The following BIRC6 variants were observed in gnomAD, a reference collection of about 807,000 sequenced individuals.
BIRC6 encodes baculoviral IAP repeat containing 6.
In BIRC6, 98 loss-of-function variants were observed where a neutral mutation model predicts 503.3. The observed-to-expected ratio is 0.19, with a 90% confidence interval of 0.17 to 0.23. The LOEUF (loss-of-function observed/expected upper bound fraction) is 0.23, where lower values mean the gene tolerates loss of function less well. Among genes scored for constraint, BIRC6 ranks in the 10% least tolerant of loss-of-function variants. BIRC6 has a pLI of 1.00. For missense variants in BIRC6, 5,360 were observed against 5,806.0 expected (o/e 0.92, Z 2.50); for synonymous variants, 2,240 against 2,078.7 (o/e 1.08, Z -2.11).
intron 54 of BIRC6, among the ~76,000 whole-genome samples, chr2:32,513,742 C>T (rs1311336860): frequency 6.6e-6 from 1 of 152,274 alleles, no homozygotes; most frequent in East Asian, 1.9e-4. Context: ...AACCCCGTCT[C>T]TACTAAAAAT....
At chr2:32,418,465 A>G (rs559891572) in intron 10 of BIRC6, among the ~76,000 whole-genome samples, 27 of 152,354 alleles carry the variant, frequency 1.8e-4, no homozygotes, top group African/African-American at 6.0e-4. Context: ...GTCTTCCATC[A>G]GAGCACTTTA....
rs72800820 is a variant in BIRC6, at chr2:32,507,107, T to A, written c.9701-873T>A. On this transcript the variant is annotated intron_variant, in intron 50 of 73. Transcript: ENST00000421745. ...TAAATTTCAGCAAGAATTGATTTTT[T>A]AAAAAAAATCCTGTGGATATTTGGT... 7.2e-3 allele frequency among the ~76,000 whole-genome samples: 1,087 copies of A among 152,026 alleles called. 5 individuals are homozygous for A. The highest frequency in any genetic ancestry group is 0.012 in the Non-Finnish European group (818 of 67,966).
chr2:32,468,782 T>C lies in BIRC6; in HGVS notation c.6126T>C (p.Asn2042=). 2 of 1,582,852 alleles carry C rather than the reference T, an allele frequency of 1.3e-6. No individual in the cohort carries two copies. Among genetic ancestry groups the C allele is most frequent in the Non-Finnish European group, 1.7e-6 (2 of 1,159,084 alleles). Residue 2042 remains asparagine (N), a splice_region_variant and synonymous_variant, in exon 29 of 74, where the codon AAT becomes AAC. Coordinates refer to ENST00000421745, the MANE Select transcript of BIRC6 (RefSeq NM_016252.4). Reference sequence around the variant, plus strand: ...TGCTCAGCCTGCTTCATGCTTCTAATGGTTTGTATTTGGCTTACATATTTT... The same window carrying C: ...TGCTCAGCCTGCTTCATGCTTCTAACGGTTTGTATTTGGCTTACATATTTT... ...DTLLSLLHAS[N]GHSVPAVLQS...
Position 32,548,028 on chromosome 2 carries a change from C to T in BIRC6, c.12975+14C>T, listed in dbSNP as rs1385136803. 1.0e-5 allele frequency: 16 copies of T among 1,574,100 alleles called. No homozygotes were observed. Among genetic ancestry groups the T allele is most frequent in the Non-Finnish European group, 1.4e-5 (16 of 1,167,042 alleles). On this transcript the variant is annotated intron_variant, in intron 64 of 73. Coordinates refer to ENST00000421745, the MANE Select transcript of BIRC6 (RefSeq NM_016252.4). ...TGCCTTCTGCAGGTATATTTGTAAA[C>T]TTGATATTGTTCATGATAATGGCTT...
chr2:32,462,432 G>A lies in BIRC6; in HGVS notation c.4754-762G>A, dbSNP rs151328210. ...GAAATCTGTTGTAGGGTTTCACAGAGCCTTTATTACTGATAATGTTCATGG... is the reference window on the plus strand; with the variant it reads ...GAAATCTGTTGTAGGGTTTCACAGAACCTTTATTACTGATAATGTTCATGG... On this transcript the variant is annotated intron_variant, in intron 23 of 73. Coordinates refer to ENST00000421745, the MANE Select transcript of BIRC6 (RefSeq NM_016252.4). Among the ~76,000 whole-genome samples the A allele has an allele frequency of 1.2e-4, 19 of 152,284 alleles. No individual in the cohort carries two copies. In the East Asian group the frequency reaches 3.3e-3, roughly 26 times the overall value.
chr2:32,593,915 A>T lies in BIRC6; in HGVS notation c.13356A>T (p.Arg4452Ser). 6.2e-7 allele frequency: 1 copy of T among 1,608,076 alleles called. No individual in the cohort carries two copies. Among genetic ancestry groups the T allele is most frequent in the Non-Finnish European group, 8.5e-7 (1 of 1,178,202 alleles). The change falls in exon 67 of 74, where the codon AGA becomes AGT. Residue 4452 changes from arginine (R) to serine (S), a missense_variant and splice_region_variant. This residue lies in a region of BIRC6 where 477 missense variants were observed against 574.4 expected (regional missense o/e 0.83). Transcript: ENST00000421745. ...TTCTTTCCATATTAAAAAAATTCAG[A>T]TCTAAAAGGGAAAATGTTAAAACAG... is the stretch of plus-strand genomic sequence containing the variant. ...TCVDTYTNRLRSKRENVKTGV... is the reference protein window; with the variant it reads ...TCVDTYTNRLSSKRENVKTGV...
intron 65 of BIRC6, chr2:32,557,844 G>A (rs2058888831): frequency 6.6e-6 from 1 of 152,112 alleles, no homozygotes; most frequent in South Asian, 2.1e-4. Context: ...GATGACAGAA[G>A]TACCAGTTTT....
Position 32,509,898 on chromosome 2 carries a change from G to C in BIRC6, c.10141G>C (p.Val3381Leu). Reference sequence around the variant, plus strand: ...AATGCATTCACCCAACATCGAGGTTGTGCTTGTAAAGATAGGACTGCAGTC... The same window carrying C: ...AATGCATTCACCCAACATCGAGGTTCTGCTTGTAAAGATAGGACTGCAGTC... ...CGMHSPNIEV[V>L]LVKIGLQSTR... Residue 3381 changes from valine to leucine, a missense_variant, in exon 52 of 74, where the codon GTG (valine) becomes CTG (leucine). By Grantham distance (32) the Val-to-Leu change is conservative (BLOSUM62 1). Transcript: ENST00000421745. 6.2e-7 allele frequency: 1 copy of C among 1,613,974 alleles called. No individual in the cohort carries two copies. Among genetic ancestry groups the C allele is most frequent in the Middle Eastern group, 1.6e-4 (1 of 6,062 alleles).
chr2:32,555,492 G>A (rs2150523530), intron 65 of BIRC6, among the ~76,000 whole-genome samples: 1 of 152,072 alleles, frequency 6.6e-6, no homozygotes, highest in East Asian at 1.9e-4. Flanking sequence ...TACAAAAATA[G>A]CCGGGTGTGG....
rs531671571 is a variant in BIRC6 at position 32,531,395 on chromosome 2, T to G, written c.12135T>G (p.Ala4045=). The G allele has an allele frequency of 1.2e-6, 2 of 1,613,742 alleles. No individual in the cohort carries two copies. The highest frequency in any genetic ancestry group is 2.2e-5 in the South Asian group (2 of 91,042). ...DLLASCPEDE[A]LTPGDECMDG... ...TTGCTAGCTGTCCAGAAGATGAGGC[T>G]CTCACTCCAGGTGATGAATGCATGG... Residue 4045 remains alanine (A), a synonymous_variant, in exon 61 of 74, where the codon GCT becomes GCG. Coordinates refer to ENST00000421745, the MANE Select transcript of BIRC6 (RefSeq NM_016252.4).
intron 65 of BIRC6, among the ~76,000 whole-genome samples, chr2:32,550,081 A>G (rs1243335971): frequency 2.0e-5 from 3 of 152,200 alleles, no homozygotes; most frequent in South Asian, 2.1e-4. Context: ...TCAGAAATGT[A>G]TAGATATTTC....
chr2:32,445,938 A>T (rs750543364), intron 21 of BIRC6, among the ~76,000 whole-genome samples: 25 of 151,490 alleles, frequency 1.7e-4, no homozygotes, highest in Non-Finnish European at 2.9e-4. Flanking sequence ...GCTCACCACA[A>T]CCTCCATCTC....
intron 46 of BIRC6, among the ~76,000 whole-genome samples, chr2:32,500,710 A>G (rs186367049): frequency 1.3e-5 from 2 of 151,310 alleles, no homozygotes; most frequent in East Asian, 1.9e-4. Context: ...GGTTCAAGCA[A>G]TTCTCATGCC....
At chr2:32,519,663 G>GT (rs2055430135) in intron 57 of BIRC6, among the ~76,000 whole-genome samples, 1 of 152,090 alleles carries the variant, frequency 6.6e-6, no homozygotes, top group Non-Finnish European at 1.5e-5. Flanking sequence ...TTACAGGCAT[G>GT]TGCCACCATG....
At chr2:32,380,398 T>C in intron 3 of BIRC6, 108 bp downstream of exon 3, 1 of 1,374,692 alleles carries the variant, frequency 7.3e-7, no homozygotes, top group Non-Finnish European at 9.5e-7. Flanking sequence ...TTCTAGATTT[T>C]TCTTTTAAAA....
At chr2:32,530,259 G>A (rs567208711) in intron 60 of BIRC6, among the ~76,000 whole-genome samples, 5 of 151,434 alleles carry the variant, frequency 3.3e-5, no homozygotes, top group Middle Eastern at 6.8e-3. Context: ...CTCCCAGGTC[G>A]GAGTGCAGAG....
intron 1 of BIRC6, among the ~76,000 whole-genome samples, chr2:32,369,663 A>G (rs1175340238): frequency 6.6e-6 from 1 of 151,576 alleles, no homozygotes; most frequent in African/African-American, 2.4e-5. Context: ...CCTGACCTCA[A>G]GTGATCCGCC....
At position 32,357,127 on chromosome 2, in the gene BIRC6, C is replaced by T; in HGVS notation, c.-35C>T. 1 of 1,446,990 alleles carries T rather than the reference C, an allele frequency of 6.9e-7. No individual in the cohort carries two copies. Among genetic ancestry groups the T allele is most frequent in the Non-Finnish European group, 9.0e-7 (1 of 1,112,524 alleles). The allele number at this position is 1,446,990 out of a possible 1,614,324, so 89.6% of individuals were successfully genotyped here. A position where few individuals can be genotyped will look rare whatever the true frequency, so the allele number is the denominator to read the frequency against. Reference sequence around the variant, plus strand: ...TGCGTGCGGGCGCCTGACTTCACTTCCGGCTAACGCGCTCGGCTTGCCCCC... The same window carrying T: ...TGCGTGCGGGCGCCTGACTTCACTTTCGGCTAACGCGCTCGGCTTGCCCCC... On this transcript the variant is annotated 5_prime_UTR_variant, in exon 1 of 74. Transcript: ENST00000421745. This position sits in a 1 kb window ranked among gnomAD's most constrained non-coding sequence, Gnocchi z 4.9.
At chr2:32,501,946 G>A in intron 47 of BIRC6, 58 bp downstream of exon 47, 2 of 1,453,614 alleles carry the variant, frequency 1.4e-6, no homozygotes, top group Non-Finnish European at 1.9e-6. Context: ...CGATGTAAGT[G>A]GAAAATTACA....
Sources: allele counts gnomAD v4.1 joint callset (sites outside exome capture counted in the v4.1 genomes callset), GRCh38; gene constraint gnomAD v4.1.1; regional missense constraint gnomAD v4.1.1; non-coding constraint Gnocchi (gnomAD v3.1); transcripts MANE v1.5; gene names NCBI Gene and HGNC (gene_info 2026-07-23, HGNC 2026-07-21).